CEP152: variants seen among roughly 807,000 people sequenced by gnomAD.
CEP152 encodes the protein centrosomal protein of 152 kDa.
In CEP152, 132 loss-of-function variants were observed where a neutral mutation model predicts 188.9. The observed-to-expected ratio is 0.70, with a 90% CI of 0.61 to 0.81. CEP152 has a LOEUF of 0.81. CEP152 is among the 30% of genes least tolerant of loss of function. The probability of loss-of-function intolerance (pLI) is 0.00; values close to 1 mark genes in which losing one functional copy is unlikely to be tolerated. For missense variants in CEP152, 1,914 were observed against 1,969.8 expected (o/e 0.97, Z 0.54); for synonymous variants, 649 against 666.6 (o/e 0.97, Z 0.41).
chr15:48,791,194 T>C lies in CEP152; in HGVS notation c.972+43A>G, dbSNP rs757528307. The C allele has an allele frequency of 1.5e-5, 23 of 1,563,102 alleles. No individual in the cohort carries two copies. In the Middle Eastern group the frequency reaches 6.9e-4, roughly 47 times the overall value. ...CCTACAAAAAGTTTTGTTAAATAAC[T>C]AAACTTTTAATTTTTTTACCATACA... On this transcript the variant is annotated intron_variant, in intron 8 of 26. Transcript: ENST00000380950.
Position 48,744,912 on chromosome 15 carries a change from A to G in CEP152, c.3715T>C (p.Cys1239Arg), listed in dbSNP as rs766151773. The change falls in exon 23 of 27, where the codon TGT becomes CGT. Residue 1239 changes from cysteine to arginine, a missense_variant. Coordinates refer to ENST00000380950, the MANE Select transcript of CEP152 (RefSeq NM_001194998.2). ...KNKLEELQTL[C>R]KTPPRSLSAG... ...AAAGTATACCTTGGTGGTGTTTTACAAAGTGTTTGCAATTCTTCCAATTTA... is the reference window on the plus strand; with the variant it reads ...AAAGTATACCTTGGTGGTGTTTTACGAAGTGTTTGCAATTCTTCCAATTTA... 55 of 1,610,060 alleles carry G rather than the reference A, an allele frequency of 3.4e-5. No individual in the cohort carries two copies. The Admixed American group carries it at 8.2e-4, about 24-fold the overall frequency.
chr15:48,782,032 T>C lies in CEP152; in HGVS notation c.1413+107A>G, dbSNP rs1045526497. 7.2e-6 allele frequency: 7 copies of C among 967,220 alleles called. No individual in the cohort carries two copies. The African/African-American group carries it at 9.7e-5, about 13-fold the overall frequency. 59.9% of individuals were successfully genotyped at this position (967,220 alleles called of 1,614,324 possible). On this transcript the variant is annotated intron_variant, in intron 11 of 26. Coordinates refer to ENST00000380950, the MANE Select transcript of CEP152 (RefSeq NM_001194998.2). Reference sequence around the variant, plus strand: ...CAACTCCCATGGGCTGGTTTGAAGGTGGTCCAACCACCTCTATTATACAGA... The same window carrying C: ...CAACTCCCATGGGCTGGTTTGAAGGCGGTCCAACCACCTCTATTATACAGA...
intron 1 of CEP152, among the ~76,000 whole-genome samples, chr15:48,808,259 TA>T (rs533706360): frequency 5.1e-4 from 72 of 141,200 alleles, no homozygotes; most frequent in Admixed American, 9.2e-4. Flanking sequence ...GAGACTTCTT[TA>T]AAAAAAAAAA....
intron 12 of CEP152, among the ~76,000 whole-genome samples, chr15:48,780,588 TC>T (rs1896180835): frequency 6.6e-6 from 1 of 152,218 alleles, no homozygotes; most frequent in Non-Finnish European, 1.5e-5. Flanking sequence ...AAAAATCTTT[TC>T]TTAACCTAAA....
intron 12 of CEP152, among the ~76,000 whole-genome samples, chr15:48,778,860 A>G (rs1339594140): frequency 6.6e-6 from 1 of 151,972 alleles, no homozygotes; most frequent in Non-Finnish European, 1.5e-5. Context: ...GAGGCAGGAG[A>G]ATTGCTTAAA....
intron 22 of CEP152, among the ~76,000 whole-genome samples, chr15:48,747,706 G>A (rs961452397): frequency 5.9e-5 from 9 of 152,140 alleles, no homozygotes; most frequent in South Asian, 2.1e-4. Context: ...CTCAGGAATC[G>A]GAAGCATTTC....
At chr15:48,793,548 T>C in intron 6 of CEP152, 87 bp from the exon 7 acceptor site, 1 of 1,153,840 alleles carries the variant, frequency 8.7e-7, no homozygotes. Context: ...AAACTGTGAC[T>C]ACAACCTTTT....
Position 48,805,589 on chromosome 15 carries a change from C to T in CEP152, c.61G>A (p.Glu21Lys), listed in dbSNP as rs187563127. 378 of 1,589,006 alleles carry T rather than the reference C, an allele frequency of 2.4e-4. 3 individuals are homozygous for T. The African/African-American group carries it at 4.1e-3, about 17-fold the overall frequency. ...PVQNEDEEYD[E>K]EDYEREKELQ... is the part of the protein sequence containing the mutation. ...TCTTTCTCTCTTTCATAGTCCTCTT[C>T]GTCATACTCTTCATCTTCATTTTGC... The change falls in exon 2 of 27, where the codon GAA becomes AAA. Residue 21 changes from glutamate to lysine, a missense_variant. By Grantham distance (56) the Glu-to-Lys change is moderately conservative (BLOSUM62 1). Coordinates refer to ENST00000380950, the MANE Select transcript of CEP152 (RefSeq NM_001194998.2).
At position 48,738,587 on chromosome 15, in the gene CEP152, A is replaced by G; in HGVS notation, c.4795T>C (p.Leu1599=). The change falls in exon 27 of 27, where the codon TTG becomes CTG. Residue 1599 remains leucine, a synonymous_variant. Coordinates refer to ENST00000380950, the MANE Select transcript of CEP152 (RefSeq NM_001194998.2). The stretch of plus-strand genomic sequence containing the variant: ...TTAACAGATTCACTTGGTATTTCCA[A>G]AGTTCCTTGTGGCCTACCATGTACA... ...SFVHGRPQGT[L]EIPSESVKSK... is the part of the protein sequence containing the mutation. 1.2e-6 allele frequency: 2 copies of G among 1,614,196 alleles called. No individual in the cohort carries two copies. The highest frequency in any genetic ancestry group is 1.7e-6 in the Non-Finnish European group (2 of 1,180,028).
intron 17 of CEP152, chr15:48,765,636 ATTTTTTTT>A (rs34837739): frequency 6.0e-4 from 113 of 189,378 alleles, no homozygotes; most frequent in East Asian, 2.8e-3. Context: ...GTTCTTGCCA[ATTTTTTTT>A]TTTTTTTTTT....
chr15:48,793,211 C>T, intron 7 of CEP152, 110 bp downstream of exon 7: 1 of 1,268,594 alleles, frequency 7.9e-7, no homozygotes, highest in East Asian at 2.4e-5. Flanking sequence ...TCACTATGAG[C>T]CCTCTGACCA....
At chr15:48,736,394 T>A (rs1252490994), downstream of CEP152, among the ~76,000 whole-genome samples, 1 of 151,686 alleles carries the variant, frequency 6.6e-6, no homozygotes, top group African/African-American at 2.4e-5. Flanking sequence ...TAACAAAGTA[T>A]AAAATAAAAT....
At chr15:48,748,728 G>A (rs374227858) in intron 21 of CEP152, 118 bp from the exon 22 acceptor site, 4 of 1,076,408 alleles carry the variant, frequency 3.7e-6, no homozygotes, top group Non-Finnish European at 4.9e-6. Flanking sequence ...GCTACAGCAC[G>A]ACTGAAAGAG....
In CEP152 at chr15:48,775,481, CAG is replaced by C. The variant is rs536211730; in HGVS notation, c.1578-2792_1578-2791del. Reference sequence around the variant, plus strand: ...ATTTCTTCACAGAAACCATTGAGTCCAGAGAGAGTGGACCAACATAGCTTTAA... The same window carrying C: ...ATTTCTTCACAGAAACCATTGAGTCCAGAGAGTGGACCAACATAGCTTTAA... On this transcript the variant is annotated intron_variant, in intron 12 of 26. Transcript: ENST00000380950. 1.5e-3 allele frequency among the ~76,000 whole-genome samples: 222 copies of C among 152,082 alleles called. 1 individual carries two copies. Among genetic ancestry groups the C allele is most frequent in the African/African-American group, 5.1e-3 (210 of 41,518 alleles).
At chr15:48,777,477 T>TGTGTGG (rs1895987938) in intron 12 of CEP152, among the ~76,000 whole-genome samples, 1 of 151,526 alleles carries the variant, frequency 6.6e-6, no homozygotes, top group African/African-American at 2.4e-5. Flanking sequence ...TGTGTGTGTG[T>TGTGTGG]GTGTGTGTGT....
intron 2 of CEP152, among the ~76,000 whole-genome samples, chr15:48,802,332 A>G (rs550345762): frequency 6.6e-6 from 1 of 152,298 alleles, no homozygotes; most frequent in South Asian, 2.1e-4. Context: ...TCAGAAAATA[A>G]TGCCCTCCAG....
At chr15:48,794,058 G>T (rs145463353) in intron 6 of CEP152, among the ~76,000 whole-genome samples, 36 of 152,172 alleles carry the variant, frequency 2.4e-4, no homozygotes, top group African/African-American at 8.7e-4. Context: ...GAGGGAGCAG[G>T]GGAGAAGGGT....
At chr15:48,776,039 GA>G (rs58654002) in intron 12 of CEP152, among the ~76,000 whole-genome samples, 3 of 146,910 alleles carry the variant, frequency 2.0e-5, no homozygotes, top group Non-Finnish European at 3.0e-5. Context: ...AAAGCTAAGG[GA>G]AAAAAAAAAC....
At position 48,796,289 on chromosome 15, in the gene CEP152, T is replaced by TACAC. The variant is rs3074978; in HGVS notation, c.541-133_541-130dup. The stretch of plus-strand genomic sequence containing the variant: ...TACAGTTCAAAGTTGTTTATATATA[T>TACAC]ACACACACACACACACACACACACA... On this transcript the variant is annotated intron_variant, in intron 5 of 26. Coordinates refer to ENST00000380950, the MANE Select transcript of CEP152 (RefSeq NM_001194998.2). 12,830 of 548,220 alleles carry TACAC rather than the reference T, an allele frequency of 0.023. 77 individuals are homozygous for TACAC. Among genetic ancestry groups the TACAC allele is most frequent in the Non-Finnish European group, 0.032 (9,783 of 306,090 alleles). The allele number at this position is 548,220 out of a possible 1,614,324, so 34.0% of individuals were successfully genotyped here.
Sources: allele counts gnomAD v4.1 joint callset (sites outside exome capture counted in the v4.1 genomes callset), GRCh38; gene constraint gnomAD v4.1.1; transcripts MANE v1.5; gene names NCBI Gene and HGNC (gene_info 2026-07-23, HGNC 2026-07-21).